Variants in TMEM178A observed in about 807,000 individuals in gnomAD.
The protein encoded by TMEM178A is transmembrane protein 178A.
Under a neutral mutation model 29.1 loss-of-function variants are expected in TMEM178A, and 12 were observed. The observed-to-expected ratio is 0.41, with a 90% confidence interval of 0.26 to 0.67. TMEM178A has a LOEUF of 0.67. TMEM178A is among the 30% of genes least tolerant of loss of function. The pLI, the probability that TMEM178A is intolerant of heterozygous loss-of-function variation, is 0.29. For synonymous variants in TMEM178A, 210 were observed against 187.2 expected, an observed-to-expected ratio of 1.12 and a Z score of -0.99; for missense variants, 366 against 419.1, an observed-to-expected ratio of 0.87 and a Z score of 1.11.
the TMEM178A span, among the ~76,000 whole-genome samples, chr2:39,729,581 C>G: frequency 6.6e-6 from 1 of 152,144 alleles, no homozygotes. Flanking sequence ...GTAAAATATG[C>G]AATTATACTT....
At chr2:39,728,840 T>C in the TMEM178A span, among the ~76,000 whole-genome samples, 2 of 152,294 alleles carry the variant, frequency 1.3e-5, no homozygotes, top group African/African-American at 4.8e-5. Context: ...AAGACTGTAT[T>C]ATTCAAAATC....
At chr2:39,733,168 CCA>C in the TMEM178A span, among the ~76,000 whole-genome samples, 1 of 152,184 alleles carries the variant, frequency 6.6e-6, no homozygotes, top group East Asian at 1.9e-4. Flanking sequence ...AAGAGAATTT[CCA>C]CAGTCTACCA....
chr2:39,680,627 G>A (rs1572655844), intron 1 of TMEM178A, among the ~76,000 whole-genome samples: 1 of 152,286 alleles, frequency 6.6e-6, no homozygotes, highest in Middle Eastern at 3.4e-3. Context: ...AGAGTTCATA[G>A]TAGAGAATGC....
intron 1 of TMEM178A, among the ~76,000 whole-genome samples, chr2:39,700,901 T>C (rs1671751382): frequency 6.6e-6 from 1 of 152,030 alleles, no homozygotes; most frequent in Non-Finnish European, 1.5e-5. Flanking sequence ...ACAATCTAGT[T>C]TGGATTAATA....
chr2:39,718,441 T>C (rs1426195443), downstream of TMEM178A, among the ~76,000 whole-genome samples: 1 of 152,230 alleles, frequency 6.6e-6, no homozygotes, highest in Non-Finnish European at 1.5e-5. Flanking sequence ...GGCTTGAGCA[T>C]TTTTGTAAAA....
At chr2:39,708,599 A>G (rs1461648514) in intron 3 of TMEM178A, among the ~76,000 whole-genome samples, 5 of 150,294 alleles carry the variant, frequency 3.3e-5, no homozygotes, top group Admixed American at 3.3e-4. Flanking sequence ...TTGTATTTTT[A>G]GTAGAGACGG....
intron 2 of TMEM178A, 110 bp downstream of exon 2, chr2:39,704,304 C>A: frequency 3.5e-6 from 3 of 847,770 alleles, no homozygotes; most frequent in Non-Finnish European, 5.6e-6. Flanking sequence ...CCTCTGTGAG[C>A]CTCTGGGCCC....
chr2:39,700,957 T>C (rs1407344369), intron 1 of TMEM178A, among the ~76,000 whole-genome samples: 2 of 152,108 alleles, frequency 1.3e-5, no homozygotes, highest in Non-Finnish European at 2.9e-5. Context: ...CTATATTGTT[T>C]CATCCCCACT....
At chr2:39,667,147 C>T (rs558878382) in intron 1 of TMEM178A, among the ~76,000 whole-genome samples, 75 of 152,316 alleles carry the variant, frequency 4.9e-4, no homozygotes, top group African/African-American at 1.8e-3. Context: ...AAAATGTCCT[C>T]GCCCTTTAAA....
chr2:39,684,705 C>G (rs1671001085), intron 1 of TMEM178A, among the ~76,000 whole-genome samples: 1 of 152,184 alleles, frequency 6.6e-6, no homozygotes, highest in Non-Finnish European at 1.5e-5. Flanking sequence ...GGGGAGGGAG[C>G]TCTTCTCCCC....
Position 39,707,045 on chromosome 2 carries a change from T to C in TMEM178A, c.515-4T>C. ...GTGAATGTCTGTGTCTGTTTTGAGA[T>C]TAGATTTAAGAAGAATCACTGCTGG... On this transcript the variant is annotated splice_region_variant and splice_polypyrimidine_tract_variant and intron_variant, in intron 2 of 3. Transcript: ENST00000281961. The C allele has an allele frequency of 2.5e-6, 4 of 1,597,978 alleles. No individual in the cohort carries two copies. The highest frequency in any genetic ancestry group is 3.4e-6 in the Non-Finnish European group (4 of 1,174,400).
In TMEM178A at chr2:39,666,230, G is replaced by A. The variant is rs879562620; in HGVS notation, c.256G>A (p.Asp86Asn). 1.5e-5 allele frequency: 20 copies of A among 1,346,820 alleles called. No homozygotes were observed. The highest frequency in any genetic ancestry group is 1.5e-5 in the African/African-American group (1 of 64,874). The allele number at this position is 1,346,820 out of a possible 1,614,324, so 83.4% of individuals were successfully genotyped here. ...RLLPGGPGRADPESWRSLLGL... is the reference protein window; with the variant it reads ...RLLPGGPGRANPESWRSLLGL... ...GCTCCCGGGCGGCCCGGGGCGCGCC[G>A]ACCCCGAGTCCTGGCGCTCGCTCCT... The change falls in exon 1 of 4, where the codon GAC becomes AAC. Residue 86 changes from aspartate (D) to asparagine (N), a missense_variant. Asp to Asn is a conservative substitution (Grantham distance 23). Transcript: ENST00000281961.
At chr2:39,697,007 T>A (rs1671572827) in intron 1 of TMEM178A, among the ~76,000 whole-genome samples, 1 of 152,224 alleles carries the variant, frequency 6.6e-6, no homozygotes, top group Non-Finnish European at 1.5e-5. Flanking sequence ...AGAGCCAGAT[T>A]CATTGCTCTC....
intron 3 of TMEM178A, among the ~76,000 whole-genome samples, chr2:39,708,045 G>T (rs1474019390): frequency 6.6e-6 from 1 of 152,162 alleles, no homozygotes; most frequent in Non-Finnish European, 1.5e-5. Context: ...CAAAATTCTT[G>T]TTCATTTTTA....
intron 1 of TMEM178A, among the ~76,000 whole-genome samples, chr2:39,679,997 A>G (rs1043713869): frequency 6.6e-6 from 1 of 152,042 alleles, no homozygotes; most frequent in Admixed American, 6.5e-5. Flanking sequence ...GTGGCTCTTC[A>G]AGAGACCGGT....
In TMEM178A at chr2:39,710,130, C is replaced by T. The variant is rs376176069; in HGVS notation, c.652+2944C>T. 1.4e-4 allele frequency among the ~76,000 whole-genome samples: 22 copies of T among 152,190 alleles called. No homozygotes were observed. In the East Asian group the frequency reaches 1.5e-3, roughly 11 times the overall value. On this transcript the variant is annotated intron_variant, in intron 3 of 3. Coordinates refer to ENST00000281961, the MANE Select transcript of TMEM178A (RefSeq NM_152390.3). ...AGAGGAGCTCAGAGGTCCTCAGGAT[C>T]GAGCACGGGAAGCTCCTGTGTAATT...
chr2:39,696,151 T>G (rs1363306987), intron 1 of TMEM178A, among the ~76,000 whole-genome samples: 1 of 151,864 alleles, frequency 6.6e-6, no homozygotes, highest in Non-Finnish European at 1.5e-5. Flanking sequence ...GCATGCAGGG[T>G]AGGTTGAGGG....
At chr2:39,715,529 G>T (rs1672498731) in intron 3 of TMEM178A, among the ~76,000 whole-genome samples, 1 of 152,014 alleles carries the variant, frequency 6.6e-6, no homozygotes, top group African/African-American at 2.4e-5. Context: ...TTTTCTCTTT[G>T]AGAACTCAAA....
intron 1 of TMEM178A, among the ~76,000 whole-genome samples, chr2:39,666,955 A>C (rs1670192401): frequency 6.6e-6 from 1 of 152,206 alleles, no homozygotes; most frequent in African/African-American, 2.4e-5. Context: ...GCAGCGAAGG[A>C]GGCCCCGGAA....
Sources: gnomAD v4.1 joint callset for allele counts (sites outside exome capture counted in the v4.1 genomes callset) on GRCh38, gnomAD v4.1.1 for gene constraint, MANE v1.5 for transcripts, NCBI Gene and HGNC (gene_info 2026-07-23, HGNC 2026-07-21) for gene names.